Variants in GRM1 observed in about 807,000 individuals in gnomAD.
The protein encoded by GRM1 is glutamate metabotropic receptor 1, also known as metabotropic glutamate receptor 1.
In GRM1, 33 loss-of-function variants were observed where a neutral mutation model predicts 90.9. The ratio of observed to expected loss-of-function variants is 0.36; its 90% confidence interval spans 0.28 to 0.49. The LOEUF is 0.49. Ranked by LOEUF, GRM1 falls within the 20% of genes least tolerant of loss-of-function variation. GRM1 has a pLI of 0.99. For synonymous variants in GRM1, 700 were observed against 613.2 expected, an observed-to-expected ratio of 1.14 and a Z score of -2.09; for missense variants, 1,190 against 1,534.3, an observed-to-expected ratio of 0.78 and a Z score of 3.75.
At chr6:146,178,898 T>A (rs1778433733) in intron 2 of GRM1, among the ~76,000 whole-genome samples, 1 of 152,106 alleles carries the variant, frequency 6.6e-6, no homozygotes, top group African/African-American at 2.4e-5. Flanking sequence ...GTTAGGAACA[T>A]CCCTGTGATT....
chr6:146,235,036 A>G (rs1780590163), intron 2 of GRM1, among the ~76,000 whole-genome samples: 1 of 152,136 alleles, frequency 6.6e-6, no homozygotes, highest in African/African-American at 2.4e-5. Flanking sequence ...GCCCCTGGCC[A>G]TTTATCCAAA....
At chr6:146,417,382 T>G (rs1171553326) in intron 7 of GRM1, among the ~76,000 whole-genome samples, 1 of 152,220 alleles carries the variant, frequency 6.6e-6, no homozygotes, top group East Asian at 1.9e-4. Context: ...ATGCCAATCT[T>G]GATCCCTCCC....
intron 2 of GRM1, among the ~76,000 whole-genome samples, chr6:146,261,370 G>A (rs908779854): frequency 3.9e-5 from 6 of 152,130 alleles, no homozygotes; most frequent in African/African-American, 1.4e-4. Flanking sequence ...TGGTCGAGGA[G>A]TTGTTTTGTG....
At chr6:146,121,057 C>T (rs1417996431) in intron 1 of GRM1, among the ~76,000 whole-genome samples, 4 of 152,094 alleles carry the variant, frequency 2.6e-5, no homozygotes, top group African/African-American at 7.2e-5. Context: ...GCTGTGAATC[C>T]GTCTCGTCCT....
intron 2 of GRM1, among the ~76,000 whole-genome samples, chr6:146,284,202 T>G (rs1782680116): frequency 6.6e-6 from 1 of 152,124 alleles, no homozygotes; most frequent in African/African-American, 2.4e-5. Context: ...AATGCTGGCT[T>G]AACAATGTTA....
intron 1 of GRM1, among the ~76,000 whole-genome samples, chr6:146,138,538 C>T (rs1248088222): frequency 6.6e-6 from 1 of 152,022 alleles, no homozygotes. Flanking sequence ...CATTTTATTA[C>T]AGTTTTGACC....
chr6:146,292,663 T>A (rs144525941), intron 2 of GRM1, among the ~76,000 whole-genome samples: 36 of 152,106 alleles, frequency 2.4e-4, no homozygotes, highest in African/African-American at 5.5e-4. Flanking sequence ...TGTACATTGC[T>A]GGTGGGAATG....
chr6:146,377,630 A>T (rs1583411365), intron 5 of GRM1, among the ~76,000 whole-genome samples: 2 of 152,170 alleles, frequency 1.3e-5, no homozygotes, highest in African/African-American at 4.8e-5. Context: ...TCTAGGGAGA[A>T]ATTCAAGCTG....
At chr6:146,153,537 A>G in intron 1 of GRM1, among the ~76,000 whole-genome samples, 1 of 152,206 alleles carries the variant, frequency 6.6e-6, no homozygotes, top group Non-Finnish European at 1.5e-5. Flanking sequence ...TCAAATACGT[A>G]ATACTCAGCT....
intron 2 of GRM1, among the ~76,000 whole-genome samples, chr6:146,273,240 A>G (rs1782235052): frequency 6.6e-6 from 1 of 152,118 alleles, no homozygotes. Flanking sequence ...GGTGAATAGT[A>G]TGGGGCTTCC....
chr6:146,076,250 T>C (rs995039189), intron 1 of GRM1, among the ~76,000 whole-genome samples: 4 of 152,174 alleles, frequency 2.6e-5, no homozygotes, highest in Non-Finnish European at 5.9e-5. Context: ...GAGGGACTTG[T>C]AGGCCACTAG....
At chr6:146,382,005 T>C (rs1263313767) in intron 5 of GRM1, among the ~76,000 whole-genome samples, 1 of 152,152 alleles carries the variant, frequency 6.6e-6, no homozygotes, top group Non-Finnish European at 1.5e-5. Flanking sequence ...TAACATTGTG[T>C]GTAGCAGCAG....
chr6:146,178,854 C>A (rs1452499606), intron 2 of GRM1, among the ~76,000 whole-genome samples: 3 of 152,292 alleles, frequency 2.0e-5, no homozygotes, highest in African/African-American at 7.2e-5. Flanking sequence ...TTATGTACAT[C>A]ACCCACTGGC....
intron 2 of GRM1, among the ~76,000 whole-genome samples, chr6:146,239,101 C>G (rs1280844189): frequency 1.3e-5 from 2 of 152,130 alleles, no homozygotes; most frequent in Non-Finnish European, 1.5e-5. Context: ...TAAATACTCA[C>G]CATTGTGGCT....
chr6:146,173,287 G>T (rs917908835), intron 2 of GRM1, among the ~76,000 whole-genome samples: 1 of 151,762 alleles, frequency 6.6e-6, no homozygotes, highest in Non-Finnish European at 1.5e-5. Flanking sequence ...CTACTCAGGA[G>T]GCTGAGGCAG....
At chr6:146,302,238 A>C (rs1375930980) in intron 2 of GRM1, among the ~76,000 whole-genome samples, 1 of 150,952 alleles carries the variant, frequency 6.6e-6, no homozygotes, top group African/African-American at 2.4e-5. Flanking sequence ...CTTCTTAAAG[A>C]AGCCATCTCT....
At chr6:146,361,800 T>C (rs1775486900) in intron 5 of GRM1, among the ~76,000 whole-genome samples, 1 of 152,256 alleles carries the variant, frequency 6.6e-6, no homozygotes, top group South Asian at 2.1e-4. Context: ...CGGACACATG[T>C]TGTTCAACTA....
At chr6:146,220,449 G>C (rs976908956) in intron 2 of GRM1, among the ~76,000 whole-genome samples, 3 of 152,094 alleles carry the variant, frequency 2.0e-5, no homozygotes, top group Non-Finnish European at 4.4e-5. Flanking sequence ...CTATGTGCAA[G>C]AGTGTGAGTT....
chr6:146,252,147 A>T (rs934213414), intron 2 of GRM1, among the ~76,000 whole-genome samples: 6 of 152,000 alleles, frequency 3.9e-5, no homozygotes, highest in African/African-American at 9.7e-5. Context: ...CATTTTATTC[A>T]CTGGTAAAGT....
Sources: gnomAD v4.1 joint callset for allele counts (sites outside exome capture counted in the v4.1 genomes callset) on GRCh38, gnomAD v4.1.1 for gene constraint, MANE v1.5 for transcripts, NCBI Gene and HGNC (gene_info 2026-07-23, HGNC 2026-07-21) for gene names.